Variants in CCNT2 observed in about 807,000 individuals in gnomAD.
The protein encoded by CCNT2 is cyclin-T2.
In CCNT2, 18 loss-of-function variants were observed where a neutral mutation model predicts 70.0. The observed-to-expected ratio is 0.26, with a 90% CI of 0.18 to 0.38. CCNT2 has a LOEUF of 0.38. CCNT2 is among the 10% of genes least tolerant of loss of function. The pLI is 1.00. For synonymous variants in CCNT2, 334 were observed against 313.3 expected (o/e 1.07, Z -0.70); for missense variants, 734 against 890.2 (o/e 0.82, Z 2.23).
chr2:134,949,811 G>GA lies in CCNT2; in HGVS notation c.703+1912_703+1913insA, dbSNP rs1553525571. On this transcript the variant is annotated intron_variant, in intron 7 of 8. Transcript: ENST00000264157. ...GGCAAAATTTTTTTTTCGGGGGGGG[G>GA]GTGGGGGACAGAGTCTCAGTCGCCC... is the stretch of plus-strand genomic sequence containing the variant. Among the ~76,000 whole-genome samples the GA allele has an allele frequency of 5.0e-4, 65 of 130,794 alleles. 3 individuals carry two copies. The highest frequency in any genetic ancestry group is 1.8e-3 in the African/African-American group (63 of 35,542). 85.8% of individuals were successfully genotyped at this position (130,794 alleles called of 152,430 possible).
At position 134,954,402 on chromosome 2, in the gene CCNT2, C is replaced by T. The variant is rs1682778759; in HGVS notation, c.1947C>T (p.Ser649=). ...CAGGTAGTTCATCTAGTTCTTCCTC[C>T]TCTGTTAAGCAGTATATATCCTCTC... is the stretch of plus-strand genomic sequence containing the variant. ...KSSGSSSSSS[S]SVKQYISSHN... is the part of the protein sequence containing the mutation. The change falls in exon 9 of 9, where the codon TCC becomes TCT. Residue 649 remains serine (S), a synonymous_variant. Coordinates refer to ENST00000264157, the MANE Select transcript of CCNT2 (RefSeq NM_058241.3). 6 of 1,613,910 alleles carry T rather than the reference C, an allele frequency of 3.7e-6. No individual in the cohort carries two copies. The highest frequency in any genetic ancestry group is 1.1e-5 in the South Asian group (1 of 91,084).
chr2:134,954,157 C>G lies in CCNT2; in HGVS notation c.1702C>G (p.His568Asp), dbSNP rs998096905. The G allele has an allele frequency of 1.2e-6, 2 of 1,614,042 alleles. No individual in the cohort carries two copies. The highest frequency in any genetic ancestry group is 2.7e-5 in the African/African-American group (2 of 74,908). ...EKHKEHPSSR[H>D]HTSSHKHSHS... ...GCACAAGGAGCATCCTTCAAGCCGC[C>G]ACCACACCAGCAGCCACAAGCATTC... is the stretch of plus-strand genomic sequence containing the variant. The change falls in exon 9 of 9, where the codon CAC (histidine) becomes GAC (aspartate). Residue 568 changes from histidine (H) to aspartate (D), a missense_variant. By Grantham distance (81) the His-to-Asp change is moderately conservative. This residue lies in a region of CCNT2 where 532 missense variants were observed against 556.9 expected (regional missense o/e 0.96). Coordinates refer to ENST00000264157, the MANE Select transcript of CCNT2 (RefSeq NM_058241.3).
At chr2:134,923,031 G>A (rs1374089478) in intron 2 of CCNT2, among the ~76,000 whole-genome samples, 7 of 151,990 alleles carry the variant, frequency 4.6e-5, no homozygotes, top group East Asian at 1.9e-4. Context: ...CTGTAATCCC[G>A]GCACTTTGGG....
chr2:134,956,299 T>C lies in CCNT2; in HGVS notation c.*1651T>C, dbSNP rs1330906824. The C allele has an allele frequency of 6.6e-6, 1 of 152,650 alleles. No homozygotes were observed. The highest frequency in any genetic ancestry group is 1.9e-4 in the East Asian group (1 of 5,196). The allele number at this position is 152,650 out of a possible 1,614,324, so 9.5% of individuals were successfully genotyped here. A position where few individuals can be genotyped will look rare whatever the true frequency, so the allele number is the denominator to read the frequency against. On this transcript the variant is annotated 3_prime_UTR_variant, in exon 9 of 9. Coordinates refer to ENST00000264157, the MANE Select transcript of CCNT2 (RefSeq NM_058241.3). ...CCTAATTTGCCAGTAGCTTTATAATTTTTAAAGATAATTGTTCATTATTTT... is the reference window on the plus strand; with the variant it reads ...CCTAATTTGCCAGTAGCTTTATAATCTTTAAAGATAATTGTTCATTATTTT...
At chr2:134,943,928 G>C in intron 5 of CCNT2, 1 of 958,340 alleles carries the variant, frequency 1.0e-6, no homozygotes. Context: ...TTTGTTTTTA[G>C]TATTTACCTA....
rs1417412114 is a variant in CCNT2, at chr2:134,958,570, T to C, written c.*3922T>C. 6.6e-6 allele frequency: 1 copy of C among 152,232 alleles called. No individual in the cohort carries two copies. Among genetic ancestry groups the C allele is most frequent in the Non-Finnish European group, 1.5e-5 (1 of 68,034 alleles). The allele number at this position is 152,232 out of a possible 1,614,324, so 9.4% of individuals were successfully genotyped here. Reference sequence around the variant, plus strand: ...GACCTTGGGTACCAAGCTATGATACTAATTTGAGAATCACATTCTGATACG... The same window carrying C: ...GACCTTGGGTACCAAGCTATGATACCAATTTGAGAATCACATTCTGATACG... On this transcript the variant is annotated 3_prime_UTR_variant, in exon 9 of 9. Coordinates refer to ENST00000264157, the MANE Select transcript of CCNT2 (RefSeq NM_058241.3).
At chr2:134,920,152 A>G (rs1679784053) in intron 2 of CCNT2, 2 of 312,972 alleles carry the variant, frequency 6.4e-6, no homozygotes, top group South Asian at 4.0e-5. Flanking sequence ...GAGTTATTAC[A>G]TAGGTTTTCT....
intron 2 of CCNT2, among the ~76,000 whole-genome samples, chr2:134,923,450 T>G (rs1680063206): frequency 6.6e-6 from 1 of 152,206 alleles, no homozygotes; most frequent in South Asian, 2.1e-4. Context: ...CCTTTTAGTT[T>G]AATAAAGCAA....
chr2:134,957,647 C>G lies in CCNT2; in HGVS notation c.*2999C>G, dbSNP rs527439771. 6.6e-6 allele frequency: 1 copy of G among 152,310 alleles called. No individual in the cohort carries two copies. Among genetic ancestry groups the G allele is most frequent in the Admixed American group, 6.5e-5 (1 of 15,290 alleles). The allele number at this position is 152,310 out of a possible 1,614,324, so 9.4% of individuals were successfully genotyped here. A position where few individuals can be genotyped will look rare whatever the true frequency, so the allele number is the denominator to read the frequency against. On this transcript the variant is annotated 3_prime_UTR_variant, in exon 9 of 9. Coordinates refer to ENST00000264157, the MANE Select transcript of CCNT2 (RefSeq NM_058241.3). ...AGGCCTACTTAACGGGCGGCAGTAT[C>G]CGGTAGTGGTAAAACCTCACAGTTT...
chr2:134,954,973 G>T lies in CCNT2; in HGVS notation c.*325G>T. 2 of 224,998 alleles carry T rather than the reference G, an allele frequency of 8.9e-6. No homozygotes were observed. Among genetic ancestry groups the T allele is most frequent in the East Asian group, 9.4e-5 (1 of 10,600 alleles). 13.9% of individuals were successfully genotyped at this position (224,998 alleles called of 1,614,324 possible). A position where few individuals can be genotyped will look rare whatever the true frequency, so the allele number is the denominator to read the frequency against. ...CTCAAGCATTCATTATTTATGATTT[G>T]AATACTGTAGCTATTTTTTGTTGCT... On this transcript the variant is annotated 3_prime_UTR_variant, in exon 9 of 9. Transcript: ENST00000264157.
At chr2:134,919,077 C>T (rs45575535) in intron 1 of CCNT2, 65 bp downstream of exon 1, 49,403 of 1,504,382 alleles carry the variant, frequency 0.033, 1,270 homozygotes, top group African/African-American at 0.13. Flanking sequence ...GGCCTGGTGC[C>T]CCGCGAACAT....
At chr2:134,938,896 G>A (rs1363765108) in intron 3 of CCNT2, 106 bp from the exon 4 acceptor site, 2 of 666,356 alleles carry the variant, frequency 3.0e-6, no homozygotes, top group Non-Finnish European at 5.1e-6. Context: ...TCAAACTACT[G>A]TGGTTCTTTT....
intron 2 of CCNT2, among the ~76,000 whole-genome samples, chr2:134,921,415 G>A (rs111498552): frequency 0.21 from 31,735 of 151,658 alleles, 3,855 homozygotes; most frequent in Middle Eastern, 0.58. Flanking sequence ...GTACAGTGGC[G>A]CTGTCACAGC....
At chr2:134,952,569 A>T in intron 7 of CCNT2, 72 bp from the exon 8 acceptor site, 1 of 856,140 alleles carries the variant, frequency 1.2e-6, no homozygotes, top group Non-Finnish European at 1.9e-6. Context: ...TTCCTTTTTA[A>T]TACTGCCCAC....
chr2:134,929,851 A>G (rs1408379735), intron 2 of CCNT2, among the ~76,000 whole-genome samples: 2 of 151,660 alleles, frequency 1.3e-5, no homozygotes, highest in East Asian at 2.0e-4. Context: ...GGGTTTTACC[A>G]TGTTGGCCAG....
At chr2:134,935,261 G>C (rs1029797040) in intron 2 of CCNT2, among the ~76,000 whole-genome samples, 3 of 152,148 alleles carry the variant, frequency 2.0e-5, no homozygotes, top group Non-Finnish European at 2.9e-5. Flanking sequence ...CTCATTTTAA[G>C]TTAACATTAT....
chr2:134,938,019 G>C (rs544820718), intron 3 of CCNT2, among the ~76,000 whole-genome samples: 3 of 152,264 alleles, frequency 2.0e-5, no homozygotes, highest in East Asian at 3.9e-4. Context: ...ATTAATTTAA[G>C]CTTCAATGGA....
intron 3 of CCNT2, among the ~76,000 whole-genome samples, 156 bp from the exon 4 acceptor site, chr2:134,938,846 A>C (rs1224437932): frequency 2.0e-5 from 3 of 152,220 alleles, no homozygotes; most frequent in Admixed American, 6.5e-5. Context: ...CACAGAATAC[A>C]GGCTTTCTCT....
chr2:134,942,760 CT>C, intron 5 of CCNT2, 86 bp downstream of exon 5: 2 of 1,422,716 alleles, frequency 1.4e-6, no homozygotes, highest in Non-Finnish European at 1.9e-6. Flanking sequence ...TTTTTCTAGC[CT>C]TTTGTTAGGT....
Sources: allele counts gnomAD v4.1 joint callset (sites outside exome capture counted in the v4.1 genomes callset), GRCh38; gene constraint gnomAD v4.1.1; regional missense constraint gnomAD v4.1.1; transcripts MANE v1.5; gene names NCBI Gene and HGNC (gene_info 2026-07-23, HGNC 2026-07-21).